Variants in SMIM31 observed in about 807,000 individuals in gnomAD.
The protein encoded by SMIM31 is small integral membrane protein 31, also known as human epithelial cell program regulator.
intron 2 of SMIM31, among the ~76,000 whole-genome samples, chr4:164,784,946 G>A (rs28697590): frequency 0.61 from 91,712 of 150,114 alleles, 29,121 homozygotes; most frequent in African/African-American, 0.78. Context: ...TTGTAAAGCC[G>A]GGCGCGGTGG....
intron 1 of SMIM31, among the ~76,000 whole-genome samples, chr4:164,758,443 G>A (rs1007308374): frequency 1.3e-5 from 2 of 152,012 alleles, no homozygotes; most frequent in African/African-American, 4.8e-5. Flanking sequence ...GTTGCTTCGG[G>A]GCAAAGGATT....
intron 2 of SMIM31, among the ~76,000 whole-genome samples, chr4:164,799,860 A>C (rs1471192206): frequency 1.3e-5 from 2 of 152,246 alleles, no homozygotes; most frequent in Admixed American, 1.3e-4. Flanking sequence ...TGAATGAGTG[A>C]ATGAATGATT....
intron 1 of SMIM31, among the ~76,000 whole-genome samples, chr4:164,755,921 A>G (rs1370089283): frequency 6.6e-6 from 1 of 152,162 alleles, no homozygotes; most frequent in Non-Finnish European, 1.5e-5. Flanking sequence ...TTCCATGTAG[A>G]TTGTACAATT....
chr4:164,776,841 A>G (rs925480133), intron 2 of SMIM31, among the ~76,000 whole-genome samples: 2 of 152,218 alleles, frequency 1.3e-5, no homozygotes, highest in Non-Finnish European at 2.9e-5. Flanking sequence ...TACTCATTCT[A>G]TAGCTCTTCC....
Position 164,801,397 on chromosome 4 carries a change from A to G in SMIM31, c.*203A>G. The G allele has an allele frequency of 5.5e-6, 2 of 362,514 alleles. No homozygotes were observed. The highest frequency in any genetic ancestry group is 2.1e-5 in the African/African-American group (1 of 47,992). 22.5% of individuals were successfully genotyped at this position (362,514 alleles called of 1,614,324 possible). On this transcript the variant is annotated 3_prime_UTR_variant, in exon 3 of 3. Coordinates refer to ENST00000507311, the MANE Select transcript of SMIM31 (RefSeq NM_001352885.1). The stretch of plus-strand genomic sequence containing the variant: ...GGACTCAGCATTATCCAAAATATCT[A>G]TTAAGAGCCATACACCATTCTAGCT...
chr4:164,760,687 C>T (rs888402927), intron 1 of SMIM31, among the ~76,000 whole-genome samples: 4 of 138,016 alleles, frequency 2.9e-5, no homozygotes, highest in Non-Finnish European at 6.0e-5. Flanking sequence ...TTGCAGTGAG[C>T]TGAGATAACG....
intron 2 of SMIM31, among the ~76,000 whole-genome samples, chr4:164,798,220 A>G (rs1446559425): frequency 2.8e-5 from 4 of 143,952 alleles, no homozygotes; most frequent in Non-Finnish European, 6.0e-5. Flanking sequence ...TTTTTGATAT[A>G]ATGATTTTTA....
intron 2 of SMIM31, among the ~76,000 whole-genome samples, chr4:164,772,609 C>G (rs375794289): frequency 6.8e-6 from 1 of 146,262 alleles, no homozygotes; most frequent in African/African-American, 2.5e-5. Flanking sequence ...GACGGAGTCT[C>G]GCTCTGTCGC....
intron 1 of SMIM31, among the ~76,000 whole-genome samples, chr4:164,755,860 T>A (rs1374785839): frequency 1.3e-5 from 2 of 152,148 alleles, no homozygotes; most frequent in East Asian, 1.9e-4. Flanking sequence ...ATGAAAATTG[T>A]TCAAACATAG....
chr4:164,772,173 T>C (rs1016283270), intron 2 of SMIM31, among the ~76,000 whole-genome samples: 5 of 152,078 alleles, frequency 3.3e-5, no homozygotes, highest in Admixed American at 2.6e-4. Context: ...CCTCCAATCA[T>C]GGTGGAAGGG....
chr4:164,756,470 G>A (rs774816364), intron 1 of SMIM31, among the ~76,000 whole-genome samples: 1 of 151,910 alleles, frequency 6.6e-6, no homozygotes, highest in Non-Finnish European at 1.5e-5. Flanking sequence ...TACTCAGGAG[G>A]CTGAGGTAGG....
intron 2 of SMIM31, among the ~76,000 whole-genome samples, chr4:164,796,398 T>C (rs1733195932): frequency 6.6e-6 from 1 of 152,134 alleles, no homozygotes; most frequent in Non-Finnish European, 1.5e-5. Flanking sequence ...CCTTTGCAGG[T>C]TCCCCCTAAT....
chr4:164,798,484 G>A (rs748889137), intron 2 of SMIM31, among the ~76,000 whole-genome samples: 4 of 151,396 alleles, frequency 2.6e-5, no homozygotes, highest in Admixed American at 1.3e-4. Context: ...CTCGTGATCC[G>A]CCCACCTCGG....
intron 2 of SMIM31, among the ~76,000 whole-genome samples, chr4:164,772,545 A>G (rs927193672): frequency 1.3e-5 from 2 of 151,900 alleles, no homozygotes; most frequent in African/African-American, 2.4e-5. Flanking sequence ...CTATTTCACA[A>G]GCAAGGACAC....
chr4:164,789,051 C>G (rs925879242), intron 2 of SMIM31, among the ~76,000 whole-genome samples: 5 of 115,442 alleles, frequency 4.3e-5, no homozygotes, highest in African/African-American at 1.6e-4. Context: ...AAGGCTAATG[C>G]TTACTTGAAA....
At chr4:164,764,085 G>A (rs541227491) in intron 1 of SMIM31, among the ~76,000 whole-genome samples, 1 of 152,236 alleles carries the variant, frequency 6.6e-6, no homozygotes, top group South Asian at 2.1e-4. Flanking sequence ...AACTCAGAAA[G>A]TGATATTAAA....
chr4:164,763,085 T>C (rs1732673686), intron 1 of SMIM31, among the ~76,000 whole-genome samples: 1 of 152,210 alleles, frequency 6.6e-6, no homozygotes, highest in African/African-American at 2.4e-5. Context: ...CAACATTATA[T>C]ACAGTGTATA....
chr4:164,765,796 T>C (rs78080138), intron 1 of SMIM31, among the ~76,000 whole-genome samples: 2,323 of 152,268 alleles, frequency 0.015, 26 homozygotes, highest in Non-Finnish European at 0.025. Flanking sequence ...TAGCAGGCTA[T>C]AAGAATTCAA....
intron 2 of SMIM31, among the ~76,000 whole-genome samples, chr4:164,789,437 G>C (rs1314844980): frequency 6.6e-6 from 1 of 152,158 alleles, no homozygotes; most frequent in East Asian, 1.9e-4. Context: ...TTACATAAAA[G>C]TCATCTTGTC....
Sources: gnomAD v4.1 joint callset for allele counts (sites outside exome capture counted in the v4.1 genomes callset) on GRCh38, gnomAD v4.1.1 for gene constraint, MANE v1.5 for transcripts, NCBI Gene and HGNC (gene_info 2026-07-23, HGNC 2026-07-21) for gene names.